Variants in MAGI1 observed in about 807,000 individuals in gnomAD.
MAGI1 encodes membrane-associated guanylate kinase, WW and PDZ domain-containing protein 1.
MAGI1 carries 58 observed loss-of-function variants against 139.9 expected under a neutral mutation model. The ratio of observed to expected loss-of-function variants is 0.41; its 90% CI spans 0.34 to 0.52. The LOEUF (loss-of-function observed/expected upper bound fraction) is 0.52, where lower values mean the gene tolerates loss of function less well. Ranked by LOEUF, MAGI1 falls within the 20% of genes least tolerant of loss-of-function variation. MAGI1 has a pLI of 0.12. For synonymous variants in MAGI1, 812 were observed against 737.9 expected (o/e 1.10, Z -1.63); for missense variants, 1,874 against 1,901.6 (o/e 0.99, Z 0.27).
intron 1 of MAGI1, among the ~76,000 whole-genome samples, chr3:65,979,100 C>G (rs1209386923): frequency 5.7e-5 from 2 of 34,892 alleles, no homozygotes; most frequent in Admixed American, 6.2e-4. Context: ...CCCCCCCCCG[C>G]CACCCCCCAC....
intron 3 of MAGI1, among the ~76,000 whole-genome samples, chr3:65,487,769 G>T (rs932766165): frequency 6.6e-6 from 1 of 152,148 alleles, no homozygotes; most frequent in Non-Finnish European, 1.5e-5. Flanking sequence ...TCAACACGAT[G>T]ATTCTTTTTT....
chr3:65,643,867 G>A (rs1310935625), intron 1 of MAGI1, among the ~76,000 whole-genome samples: 5 of 152,126 alleles, frequency 3.3e-5, no homozygotes, highest in Non-Finnish European at 5.9e-5. Flanking sequence ...GACTGTATTG[G>A]GGTCACCTAA....
intron 2 of MAGI1, among the ~76,000 whole-genome samples, chr3:65,552,833 C>T (rs1046677065): frequency 2.0e-5 from 3 of 152,192 alleles, no homozygotes; most frequent in African/African-American, 7.2e-5. Flanking sequence ...CAACCAGATG[C>T]ATGTGTTATG....
intron 1 of MAGI1, among the ~76,000 whole-genome samples, chr3:66,002,180 A>T (rs972814652): frequency 6.6e-6 from 1 of 152,210 alleles, no homozygotes; most frequent in Non-Finnish European, 1.5e-5. Flanking sequence ...CTTAGAAATA[A>T]GGCATTTTAA....
At chr3:65,990,393 C>A (rs2066109454) in intron 1 of MAGI1, among the ~76,000 whole-genome samples, 1 of 152,172 alleles carries the variant, frequency 6.6e-6, no homozygotes, top group African/African-American at 2.4e-5. Flanking sequence ...ATTTACAAGT[C>A]TCTTAGGATG....
intron 1 of MAGI1, among the ~76,000 whole-genome samples, chr3:65,707,099 C>T (rs1265251702): frequency 6.6e-5 from 10 of 152,226 alleles, no homozygotes; most frequent in Non-Finnish European, 1.0e-4. Flanking sequence ...ATGTGTTTGC[C>T]GTAGTTACTG....
At chr3:65,679,327 G>C (rs940688436) in intron 1 of MAGI1, among the ~76,000 whole-genome samples, 6 of 152,182 alleles carry the variant, frequency 3.9e-5, no homozygotes, top group Admixed American at 2.6e-4. Flanking sequence ...ATGGTGATAA[G>C]AGCTATAGCT....
At chr3:65,730,083 T>G (rs1011965158) in intron 1 of MAGI1, among the ~76,000 whole-genome samples, 1 of 152,234 alleles carries the variant, frequency 6.6e-6, no homozygotes, top group African/African-American at 2.4e-5. Flanking sequence ...AAAATATTTA[T>G]GAAGAGCAGA....
intron 12 of MAGI1, among the ~76,000 whole-genome samples, chr3:65,407,506 A>C (rs911786752): frequency 1.3e-5 from 2 of 152,006 alleles, no homozygotes; most frequent in Non-Finnish European, 2.9e-5. Context: ...GAGTAGAGAG[A>C]TGTGTTATAT....
At chr3:65,803,924 C>T (rs760428149) in intron 1 of MAGI1, among the ~76,000 whole-genome samples, 1 of 152,172 alleles carries the variant, frequency 6.6e-6, no homozygotes, top group Non-Finnish European at 1.5e-5. Flanking sequence ...AACTCAGAAA[C>T]AATAACACGA....
chr3:65,559,302 C>T (rs2080229034), intron 2 of MAGI1, among the ~76,000 whole-genome samples: 1 of 152,202 alleles, frequency 6.6e-6, no homozygotes, highest in Non-Finnish European at 1.5e-5. Context: ...CTTAGCCAGT[C>T]TTTCTCATCC....
At chr3:65,536,147 T>C (rs1213445986) in intron 2 of MAGI1, among the ~76,000 whole-genome samples, 2 of 152,218 alleles carry the variant, frequency 1.3e-5, no homozygotes, top group Admixed American at 6.5e-5. Context: ...CACTGTTGAT[T>C]TGGTGTCTGT....
At chr3:65,437,587 C>T (rs549543897) in intron 9 of MAGI1, among the ~76,000 whole-genome samples, 1 of 152,226 alleles carries the variant, frequency 6.6e-6, no homozygotes, top group Non-Finnish European at 1.5e-5. Context: ...CTGATTCAGA[C>T]ATGAGCTGGG....
intron 1 of MAGI1, among the ~76,000 whole-genome samples, chr3:65,957,268 C>T (rs2107031298): frequency 6.8e-6 from 1 of 146,448 alleles, no homozygotes; most frequent in African/African-American, 2.6e-5. Context: ...TAATACAGTA[C>T]TTTGGGAGGC....
intron 1 of MAGI1, among the ~76,000 whole-genome samples, chr3:65,905,955 G>A (rs1479389625): frequency 2.0e-5 from 3 of 152,110 alleles, no homozygotes; most frequent in African/African-American, 2.4e-5. Flanking sequence ...TTAAAATACC[G>A]AAATAAAAGA....
intron 1 of MAGI1, among the ~76,000 whole-genome samples, chr3:65,696,443 G>A (rs1317784433): frequency 6.6e-6 from 1 of 151,404 alleles, no homozygotes; most frequent in East Asian, 1.9e-4. Context: ...ACATTCATGG[G>A]GCATCTCTAA....
chr3:66,023,062 G>T (rs545910574), intron 1 of MAGI1, among the ~76,000 whole-genome samples: 1 of 152,282 alleles, frequency 6.6e-6, no homozygotes, highest in South Asian at 2.1e-4. Context: ...GGGACTTCTG[G>T]GTGCTCCAAA....
At chr3:65,976,150 T>C (rs1239859131) in intron 1 of MAGI1, among the ~76,000 whole-genome samples, 1 of 152,172 alleles carries the variant, frequency 6.6e-6, no homozygotes, top group African/African-American at 2.4e-5. Context: ...GTGGTGACTT[T>C]TTGCTGCTCC....
rs138036732 is a variant in MAGI1, at chr3:65,354,234, A to G, written c.*2144T>C. 6.5e-6 allele frequency: 1 copy of G among 152,756 alleles called. No homozygotes were observed. Among genetic ancestry groups the G allele is most frequent in the East Asian group, 1.9e-4 (1 of 5,184 alleles). 9.5% of individuals were successfully genotyped at this position (152,756 alleles called of 1,614,324 possible). A position where few individuals can be genotyped will look rare whatever the true frequency, so the allele number is the denominator to read the frequency against. ...TTGTACTCTTCCTCAGCCTTACTAC[A>G]GCTCAATGTATGCTTTGTATGGAAA... On this transcript the variant is annotated 3_prime_UTR_variant, in exon 23 of 23. Transcript: ENST00000402939.
Sources: gnomAD v4.1 joint callset for allele counts (sites outside exome capture counted in the v4.1 genomes callset) on GRCh38, gnomAD v4.1.1 for gene constraint, MANE v1.5 for transcripts, NCBI Gene and HGNC (gene_info 2026-07-23, HGNC 2026-07-21) for gene names.